GABRA3: variants seen among roughly 807,000 people sequenced by gnomAD.
GABRA3 encodes gamma-aminobutyric acid type A receptor subunit alpha3.
Under a neutral mutation model 30.1 loss-of-function variants are expected in GABRA3, and 10 were observed. The observed-to-expected ratio is 0.33, with a 90% CI of 0.20 to 0.56. The LOEUF is 0.56. Ranked by LOEUF, GABRA3 falls within the 20% of genes least tolerant of loss-of-function variation. The probability of loss-of-function intolerance (pLI) is 0.89; values close to 1 mark genes in which losing one functional copy is unlikely to be tolerated. For missense variants in GABRA3, 233 were observed against 392.0 expected (o/e 0.59, Z 3.42); for synonymous variants, 151 against 146.8 (o/e 1.03, Z -0.21).
At chrX:152,263,746 C>A (rs972294554) in intron 4 of GABRA3, among the ~76,000 whole-genome samples, 1 of 111,298 alleles carries the variant, frequency 9.0e-6, no homozygotes, top group African/African-American at 3.3e-5. Context: ...GAACATCAAC[C>A]AGACTTAACT....
intron 3 of GABRA3, among the ~76,000 whole-genome samples, chrX:152,335,533 TAGA>T (rs1940221194): frequency 1.8e-5 from 2 of 111,984 alleles, no homozygotes; most frequent in South Asian, 7.4e-4. Context: ...AAAAGAAAGC[TAGA>T]AGGAGCCCTT....
At chrX:152,340,405 T>C (rs1355580470) in intron 3 of GABRA3, among the ~76,000 whole-genome samples, 1 of 112,500 alleles carries the variant, frequency 8.9e-6, no homozygotes, top group Non-Finnish European at 1.9e-5. Flanking sequence ...TGAGGAACTA[T>C]TTTACATTTA....
intron 1 of GABRA3, among the ~76,000 whole-genome samples, chrX:152,431,387 C>A (rs969322805): frequency 1.3e-4 from 15 of 112,205 alleles, no homozygotes; most frequent in Admixed American, 7.6e-4. Context: ...CATGTCAACA[C>A]TGGAAGAGAG....
At chrX:152,340,880 T>A (rs1391258743) in intron 3 of GABRA3, among the ~76,000 whole-genome samples, 1 of 107,225 alleles carries the variant, frequency 9.3e-6, no homozygotes, top group Non-Finnish European at 1.9e-5. Context: ...ATTGTTTAAT[T>A]TTTTTATTTC....
chrX:152,404,435 A>C (rs1325916147), intron 1 of GABRA3, among the ~76,000 whole-genome samples: 1 of 110,853 alleles, frequency 9.0e-6, no homozygotes, highest in Non-Finnish European at 1.9e-5. Context: ...GACAAAAAAA[A>C]AGTCCCAAAT....
At chrX:152,377,150 T>C (rs1189353048) in intron 1 of GABRA3, among the ~76,000 whole-genome samples, 2 of 111,419 alleles carry the variant, frequency 1.8e-5, no homozygotes, top group Admixed American at 1.9e-4. Context: ...TTTAGAAACC[T>C]AGGGGCTGAA....
chrX:152,299,191 G>A (rs1051021398), intron 3 of GABRA3, among the ~76,000 whole-genome samples: 1 of 111,654 alleles, frequency 9.0e-6, no homozygotes, highest in Non-Finnish European at 1.9e-5. Context: ...ACAAAAAAAA[G>A]GAGTAAGTAA....
chrX:152,429,892 C>A (rs1405497065), intron 1 of GABRA3, among the ~76,000 whole-genome samples: 1 of 112,089 alleles, frequency 8.9e-6, no homozygotes, highest in East Asian at 2.8e-4. Flanking sequence ...CTGAGTGGAT[C>A]CATATCTCTG....
intron 1 of GABRA3, among the ~76,000 whole-genome samples, chrX:152,386,727 A>C (rs1569414658): frequency 9.1e-6 from 1 of 110,315 alleles, no homozygotes. Flanking sequence ...ACCATTGTGG[A>C]AGTCAGTGTG....
At chrX:152,241,779 C>G (rs372504790) in intron 5 of GABRA3, among the ~76,000 whole-genome samples, 1 of 110,607 alleles carries the variant, frequency 9.0e-6, no homozygotes, top group African/African-American at 3.3e-5. Flanking sequence ...CAGGTGCGTC[C>G]GTCACCCCTT....
intron 3 of GABRA3, among the ~76,000 whole-genome samples, chrX:152,318,662 T>G (rs895473877): frequency 2.7e-5 from 3 of 112,254 alleles, no homozygotes; most frequent in Non-Finnish European, 5.6e-5. Flanking sequence ...GATGCAGGGA[T>G]GATTTAACAC....
chrX:152,386,155 T>C (rs1229386749), intron 1 of GABRA3, among the ~76,000 whole-genome samples: 1 of 107,509 alleles, frequency 9.3e-6, no homozygotes, highest in African/African-American at 3.4e-5. Context: ...TTGATGGGGA[T>C]GGCATTGAAT....
At chrX:152,430,729 T>G (rs769569797) in intron 1 of GABRA3, among the ~76,000 whole-genome samples, 1 of 111,999 alleles carries the variant, frequency 8.9e-6, no homozygotes, top group African/African-American at 3.2e-5. Context: ...TGTAAAATCA[T>G]AATACGGGAA....
rs1937360894 is a variant in GABRA3, at chrX:152,194,466, G to A, written c.931+3167C>T. On this transcript the variant is annotated intron_variant, in intron 8 of 9. Transcript: ENST00000370314. ...ACAGATATAGTGTGCTTTATCTCAG[G>A]ATATGGTTTGCCATTTCATTATCTT... is the stretch of plus-strand genomic sequence containing the variant. Among the ~76,000 whole-genome samples, 3 of 111,134 alleles carry A rather than the reference G, an allele frequency of 2.7e-5. No homozygotes were observed. In the Admixed American group the frequency reaches 2.9e-4, roughly 11 times the overall value.
At chrX:152,221,212 C>G (rs1446357637) in intron 6 of GABRA3, among the ~76,000 whole-genome samples, 2 of 111,566 alleles carry the variant, frequency 1.8e-5, no homozygotes, top group Non-Finnish European at 3.8e-5. Context: ...ATGCTTTCTT[C>G]TATTAATAAA....
At chrX:152,319,996 G>T (rs2124465521) in intron 3 of GABRA3, among the ~76,000 whole-genome samples, 1 of 111,162 alleles carries the variant, frequency 9.0e-6, no homozygotes, top group South Asian at 3.8e-4. Flanking sequence ...TAATGATCAG[G>T]GAAATGCAAA....
At chrX:152,430,674 TA>T (rs1930629717) in intron 1 of GABRA3, among the ~76,000 whole-genome samples, 1 of 111,300 alleles carries the variant, frequency 9.0e-6, no homozygotes, top group African/African-American at 3.3e-5. Context: ...CAAGTTGCCA[TA>T]AAAAAAGGAA....
chrX:152,226,127 T>C (rs971195082), intron 5 of GABRA3, among the ~76,000 whole-genome samples: 10 of 111,769 alleles, frequency 8.9e-5, no homozygotes, highest in African/African-American at 2.9e-4. Context: ...ATGTGTGGTG[T>C]CTCCATTTCT....
intron 2 of GABRA3, among the ~76,000 whole-genome samples, chrX:152,361,349 C>T (rs1329362568): frequency 9.2e-6 from 1 of 108,676 alleles, no homozygotes; most frequent in Non-Finnish European, 1.9e-5. Flanking sequence ...CTGAGGCGGG[C>T]GGATCACAAG....
Sources: allele counts gnomAD v4.1 joint callset (sites outside exome capture counted in the v4.1 genomes callset), GRCh38; gene constraint gnomAD v4.1.1; transcripts MANE v1.5; gene names NCBI Gene and HGNC (gene_info 2026-07-23, HGNC 2026-07-21).